The following NVL variants were observed in gnomAD, a reference collection of about 807,000 sequenced individuals.
NVL encodes nuclear valosin-containing protein-like.
Under a neutral mutation model 110.2 loss-of-function variants are expected in NVL, and 84 were observed. The observed-to-expected ratio is 0.76, with a 90% CI of 0.64 to 0.91. The LOEUF is 0.91. Among genes scored for constraint, NVL ranks in the 40% least tolerant of loss-of-function variants. The pLI is 0.00. For synonymous variants in NVL, 354 were observed against 361.1 expected, an observed-to-expected ratio of 0.98 and a Z score of 0.22; for missense variants, 882 against 1,035.9, an observed-to-expected ratio of 0.85 and a Z score of 2.04.
intron 5 of NVL, among the ~76,000 whole-genome samples, chr1:224,308,788 G>A (rs1490333847): frequency 2.7e-5 from 4 of 149,624 alleles, no homozygotes; most frequent in Admixed American, 6.7e-5. Context: ...TCGGCCGGGC[G>A]CAGTGGCTCA....
rs1436684303 is a variant in NVL, at chr1:224,309,071, A to C, written c.343-808T>G. Among the ~76,000 whole-genome samples the C allele has an allele frequency of 3.8e-3, 580 of 151,276 alleles. 3 individuals carry two copies. The highest frequency in any genetic ancestry group is 0.013 in the African/African-American group (544 of 41,238). ...GCGGGACTCTGTCTCAACAAAAAAAAAAAAAAAAAAAGACTTCACTCCATT... is the reference window on the plus strand; with the variant it reads ...GCGGGACTCTGTCTCAACAAAAAAACAAAAAAAAAAAGACTTCACTCCATT... On this transcript the variant is annotated intron_variant, in intron 5 of 22. Transcript: ENST00000281701.
At chr1:224,236,441 C>A in intron 20 of NVL, 65 bp downstream of exon 20, 1 of 1,225,994 alleles carries the variant, frequency 8.2e-7, no homozygotes, top group South Asian at 1.2e-5. Context: ...CATCATCACC[C>A]CTCATTTTAT....
At chr1:224,327,578 C>T (rs1406503734) in intron 1 of NVL, among the ~76,000 whole-genome samples, 2 of 151,824 alleles carry the variant, frequency 1.3e-5, no homozygotes, top group Non-Finnish European at 2.9e-5. Flanking sequence ...AACTTGGGTC[C>T]CATCCCCAAA....
rs913184232 is a variant in NVL at position 224,281,308 on chromosome 1, T to TGC, written c.1900-124_1900-123insGC. 6.4e-6 allele frequency: 5 copies of TGC among 786,658 alleles called. No individual in the cohort carries two copies. In the Admixed American group the frequency reaches 1.0e-4, roughly 16 times the overall value. 48.7% of individuals were successfully genotyped at this position (786,658 alleles called of 1,614,324 possible). A position where few individuals can be genotyped will look rare whatever the true frequency, so the allele number is the denominator to read the frequency against. On this transcript the variant is annotated intron_variant, in intron 15 of 22. Transcript: ENST00000281701. ...GCGTGTGTGTGTGTGTGTGTGTGTG[T>TGC]GTGTGAGATTTAGATGGAGTCTTGC...
rs150659049 is a variant in NVL, at chr1:224,235,968, C to T, written c.2366+538G>A. ...AAAGAAAAAAAAGAAAACAAAAAGC[C>T]GGAGGGGGCATTGTCTCTGTTAGTT... is the stretch of plus-strand genomic sequence containing the variant. On this transcript the variant is annotated intron_variant, in intron 20 of 22. Coordinates refer to ENST00000281701, the MANE Select transcript of NVL (RefSeq NM_002533.4). Among the ~76,000 whole-genome samples, 1,393 of 151,694 alleles carry T rather than the reference C, an allele frequency of 9.2e-3. 13 individuals carry two copies. The highest frequency in any genetic ancestry group is 0.031 in the African/African-American group (1,280 of 41,394).
rs1303395547 is a variant in NVL at position 224,286,020 on chromosome 1, T to G, written c.1899+6A>C. On this transcript the variant is annotated splice_donor_region_variant and intron_variant, in intron 15 of 22. Coordinates refer to ENST00000281701, the MANE Select transcript of NVL (RefSeq NM_002533.4). Reference sequence around the variant, plus strand: ...TAAATTACATGCAATTGAACTTATATGATACCTTCGCCAGCAGAGTCTTCC... The same window carrying G: ...TAAATTACATGCAATTGAACTTATAGGATACCTTCGCCAGCAGAGTCTTCC... The G allele has an allele frequency of 1.2e-6, 2 of 1,606,992 alleles. No individual in the cohort carries two copies. Among genetic ancestry groups the G allele is most frequent in the African/African-American group, 2.7e-5 (2 of 74,760 alleles).
Position 224,287,992 on chromosome 1 carries a change from T to G in NVL, c.1577A>C (p.Asp526Ala). 1 of 1,611,600 alleles carries G rather than the reference T, an allele frequency of 6.2e-7. No homozygotes were observed. The highest frequency in any genetic ancestry group is 8.5e-7 in the Non-Finnish European group (1 of 1,178,846). Residue 526 changes from aspartate to alanine, a missense_variant and splice_region_variant, in exon 14 of 23, where the codon GAT becomes GCT. Physicochemically the swap from Asp to Ala is moderately radical, Grantham distance 126. Around this residue, in one of 4 missense-constraint regions of NVL, gnomAD observed 416 missense variants for 499.3 expected, o/e 0.83. Transcript: ENST00000281701. The part of the protein sequence containing the change: ...LGTEPTSETQ[D>A]ELQRLLGLLR... Reference sequence around the variant, plus strand: ...CAACCCCAGCAGCCTTTGTAATTCATCCTTGAAGGGAACAATAGAGGGGAA... The same window carrying G: ...CAACCCCAGCAGCCTTTGTAATTCAGCCTTGAAGGGAACAATAGAGGGGAA...
intron 2 of NVL, among the ~76,000 whole-genome samples, chr1:224,320,489 A>G (rs1203319558): frequency 6.6e-6 from 1 of 152,146 alleles, no homozygotes; most frequent in Non-Finnish European, 1.5e-5. Context: ...TCTACTAAAA[A>G]TACAAAAATC....
intron 15 of NVL, among the ~76,000 whole-genome samples, chr1:224,281,696 T>TA (rs561389321): frequency 1.2e-3 from 184 of 151,306 alleles, no homozygotes; most frequent in African/African-American, 4.4e-3. Flanking sequence ...GACTCGCCTG[T>TA]AATCCTAGCA....
Position 224,324,009 on chromosome 1 carries a change from G to A in NVL, c.131+2382C>T, listed in dbSNP as rs150829021. Among the ~76,000 whole-genome samples, 14 of 152,290 alleles carry A rather than the reference G, an allele frequency of 9.2e-5. No homozygotes were observed. In the East Asian group the frequency reaches 2.5e-3, roughly 27 times the overall value. ...ACAATGGAGACACATTCTGAGAAGT[G>A]TATCATTAAGCATTTTCATTGTGTG... On this transcript the variant is annotated intron_variant, in intron 2 of 22. Coordinates refer to ENST00000281701, the MANE Select transcript of NVL (RefSeq NM_002533.4).
At chr1:224,277,110 T>G (rs1367282683) in intron 16 of NVL, among the ~76,000 whole-genome samples, 1 of 152,294 alleles carries the variant, frequency 6.6e-6, no homozygotes, top group Admixed American at 6.5e-5. Context: ...TTCACTATAT[T>G]ATATTACAAA....
Position 224,268,813 on chromosome 1 carries a change from G to A in NVL, c.2083-680C>T, listed in dbSNP as rs112827918. ...AGCTGGGATTACAGGCGTATGCCAC[G>A]ATGCCTGGCTAATTTTGTAATTTCA... On this transcript the variant is annotated intron_variant, in intron 17 of 22. Coordinates refer to ENST00000281701, the MANE Select transcript of NVL (RefSeq NM_002533.4). 8.5e-3 allele frequency among the ~76,000 whole-genome samples: 1,277 copies of A among 151,124 alleles called. 19 individuals carry two copies. The highest frequency in any genetic ancestry group is 0.029 in the African/African-American group (1,207 of 41,108).
intron 10 of NVL, among the ~76,000 whole-genome samples, chr1:224,298,900 A>G (rs1432507719): frequency 6.6e-6 from 1 of 152,220 alleles, no homozygotes; most frequent in Non-Finnish European, 1.5e-5. Context: ...ATTTACAAAA[A>G]CTTAAAAAAA....
intron 4 of NVL, among the ~76,000 whole-genome samples, chr1:224,315,927 G>T (rs375338685): frequency 2.6e-5 from 4 of 152,300 alleles, no homozygotes; most frequent in African/African-American, 7.2e-5. Context: ...AGGCAAGGTG[G>T]TTCACACCTG....
At chr1:224,244,984 C>T (rs1661652359) in intron 19 of NVL, among the ~76,000 whole-genome samples, 1 of 152,178 alleles carries the variant, frequency 6.6e-6, no homozygotes, top group African/African-American at 2.4e-5. Flanking sequence ...CTGTACCTGG[C>T]CCACTCGCTC....
At chr1:224,236,081 A>G (rs185870987) in intron 20 of NVL, among the ~76,000 whole-genome samples, 20 of 152,360 alleles carry the variant, frequency 1.3e-4, no homozygotes, top group Admixed American at 8.5e-4. Context: ...AGAAAAACTA[A>G]TAACTGTAAC....
chr1:224,288,115 T>C, intron 13 of NVL, 122 bp from the exon 14 acceptor site: 2 of 679,078 alleles, frequency 2.9e-6, no homozygotes, highest in Non-Finnish European at 4.9e-6. Flanking sequence ...TGAACGTCTA[T>C]GTATTTTAAT....
At chr1:224,296,975 A>C (rs1004038462) in intron 10 of NVL, among the ~76,000 whole-genome samples, 5 of 152,178 alleles carry the variant, frequency 3.3e-5, no homozygotes, top group African/African-American at 1.2e-4. Context: ...AAAAAAACTT[A>C]AGACAACAAG....
rs534984160 is a variant in NVL at position 224,281,834 on chromosome 1, T to C, written c.1900-649A>G. ...CGGGCATGGTGGCATGTACCTATAG[T>C]CTCAGCTACTCGAGAGGCTGAGACA... On this transcript the variant is annotated intron_variant, in intron 15 of 22. Transcript: ENST00000281701. 1.4e-4 allele frequency among the ~76,000 whole-genome samples: 21 copies of C among 150,512 alleles called. No homozygotes were observed. The South Asian group carries it at 2.1e-3, about 15-fold the overall frequency.
Sources: gnomAD v4.1 joint callset for allele counts (sites outside exome capture counted in the v4.1 genomes callset) on GRCh38, gnomAD v4.1.1 for gene constraint, gnomAD v4.1.1 regional missense constraint, MANE v1.5 for transcripts, NCBI Gene and HGNC (gene_info 2026-07-23, HGNC 2026-07-21) for gene names.